Variants in RHD observed in about 807,000 individuals in gnomAD.
RHD encodes the protein blood group Rh(D) polypeptide.
A neutral mutation model predicts 45.5 loss-of-function variants in RHD; 16 were observed. The ratio of observed to expected loss-of-function variants is 0.35; its 90% CI spans 0.24 to 0.53. RHD has a LOEUF of 0.53. RHD is among the 20% of genes least tolerant of loss of function. The pLI is 0.92. For synonymous variants in RHD, 131 were observed against 217.5 expected (o/e 0.60, Z 3.50); for missense variants, 306 against 532.0 (o/e 0.58, Z 4.18).
rs1487408956 is a variant in RHD, at chr1:25,276,188, G to GT, written c.148+3495dup. On this transcript the variant is annotated intron_variant, in intron 1 of 9. Coordinates refer to ENST00000328664, the MANE Select transcript of RHD (RefSeq NM_016124.6). The stretch of plus-strand genomic sequence containing the variant: ...GTTAGGTATGATAAAAGCATGGTGG[G>GT]TTGTTTTTGTTTTTGTTTTTTAAGT... Among the ~76,000 whole-genome samples, 14 of 130,994 alleles carry GT rather than the reference G, an allele frequency of 1.1e-4. 2 individuals are homozygous for GT. The highest frequency in any genetic ancestry group is 8.2e-4 in the Admixed American group (11 of 13,390). 85.9% of individuals were successfully genotyped at this position (130,994 alleles called of 152,430 possible). A position where few individuals can be genotyped will look rare whatever the true frequency, so the allele number is the denominator to read the frequency against.
intron 1 of RHD, 61 bp from the exon 2 acceptor site, chr1:25,284,512 A>G: frequency 7.5e-7 from 1 of 1,326,722 alleles, no homozygotes; most frequent in Non-Finnish European, 1.1e-6. Flanking sequence ...CTCTAATTTC[A>G]TACCACCCTA....
chr1:25,290,195 A>G lies in RHD; in HGVS notation c.336-446A>G, dbSNP rs1416908210. Among the ~76,000 whole-genome samples, 2 of 129,934 alleles carry G rather than the reference A, an allele frequency of 1.5e-5. 1 individual carries two copies. The highest frequency in any genetic ancestry group is 3.6e-5 in the Non-Finnish European group (2 of 55,300). 85.2% of individuals were successfully genotyped at this position (129,934 alleles called of 152,430 possible). On this transcript the variant is annotated intron_variant, in intron 2 of 9. Transcript: ENST00000328664. Reference sequence around the variant, plus strand: ...CGGAGAGAAGGGACAGTGGCCCCAGATGGGGATGGGGTGACTGGATGTGGG... The same window carrying G: ...CGGAGAGAAGGGACAGTGGCCCCAGGTGGGGATGGGGTGACTGGATGTGGG...
Position 25,284,207 on chromosome 1 carries a change from C to G in RHD, c.149-366C>G, listed in dbSNP as rs183822813. ...TGGCCCTCATATGCAATAACAGCAG[C>G]AATGACCTTTACTGAGTGTCCATGT... On this transcript the variant is annotated intron_variant, in intron 1 of 9. Transcript: ENST00000328664. Among the ~76,000 whole-genome samples the G allele has an allele frequency of 7.2e-4, 98 of 136,312 alleles. 13 individuals are homozygous for G. The highest frequency in any genetic ancestry group is 2.1e-3 in the African/African-American group (83 of 39,894). The allele number at this position is 136,312 out of a possible 152,430, so 89.4% of individuals were successfully genotyped here.
chr1:25,286,708 C>A (rs976673079), intron 2 of RHD, among the ~76,000 whole-genome samples: 3 of 133,864 alleles, frequency 2.2e-5, no homozygotes, highest in Non-Finnish European at 5.3e-5. Flanking sequence ...ATGGCGTGAA[C>A]CCGGGAGGCG....
At chr1:25,276,535 A>AAAAAAAAAAAAAAAAAAAC (rs1641005989) in intron 1 of RHD, among the ~76,000 whole-genome samples, 1 of 15,842 alleles carries the variant, frequency 6.3e-5, no homozygotes, top group African/African-American at 6.7e-5. Flanking sequence ...CCATCTCTAA[A>AAAAAAAAAAAAAAAAAAAC]AAAAAAAAAA....
chr1:25,301,035 C>T lies in RHD; in HGVS notation c.576C>T (p.Pro192=), dbSNP rs371325050. The change falls in exon 4 of 10, where the codon CCC becomes CCT. Residue 192 remains proline, a synonymous_variant. Coordinates refer to ENST00000328664, the MANE Select transcript of RHD (RefSeq NM_016124.6). The part of the protein sequence containing the change: ...SVAWCLPKPL[P]EGTEDKDQTA... ...CCTGGTGCCTGCCAAAGCCTCTACC[C>T]GAGGGAACGGAGGATAAAGATCAGA... The T allele has an allele frequency of 9.6e-5, 132 of 1,377,472 alleles. 31 individuals carry two copies. The South Asian group carries it at 1.2e-3, about 13-fold the overall frequency. The allele number at this position is 1,377,472 out of a possible 1,614,324, so 85.3% of individuals were successfully genotyped here. A position where few individuals can be genotyped will look rare whatever the true frequency, so the allele number is the denominator to read the frequency against.
At chr1:25,298,718 G>A (rs1643135742) in intron 3 of RHD, among the ~76,000 whole-genome samples, 1 of 131,456 alleles carries the variant, frequency 7.6e-6, no homozygotes, top group South Asian at 2.3e-4. Context: ...CTATATACCA[G>A]GGACTCTTGT....
At position 25,301,389 on chromosome 1, in the gene RHD, G is replaced by C. The variant is rs1342910256; in HGVS notation, c.635-131G>C. Reference sequence around the variant, plus strand: ...GCTTGAGAGCTCGGAGGGGAGACGTGACTTCCCCATCTAACTCTAAGTGAC... The same window carrying C: ...GCTTGAGAGCTCGGAGGGGAGACGTCACTTCCCCATCTAACTCTAAGTGAC... On this transcript the variant is annotated intron_variant, in intron 4 of 9. Coordinates refer to ENST00000328664, the MANE Select transcript of RHD (RefSeq NM_016124.6). 4 of 903,238 alleles carry C rather than the reference G, an allele frequency of 4.4e-6. 1 individual carries two copies. The African/African-American group carries it at 6.7e-5, about 15-fold the overall frequency. 56.0% of individuals were successfully genotyped at this position (903,238 alleles called of 1,614,324 possible). A position where few individuals can be genotyped will look rare whatever the true frequency, so the allele number is the denominator to read the frequency against.
intron 3 of RHD, among the ~76,000 whole-genome samples, chr1:25,300,103 C>T (rs1643269398): frequency 7.6e-6 from 1 of 131,208 alleles, no homozygotes; most frequent in Admixed American, 7.4e-5. Flanking sequence ...CTTCATGTTG[C>T]AAAATTTATA....
At chr1:25,278,460 C>T (rs140102180) in intron 1 of RHD, among the ~76,000 whole-genome samples, 2,702 of 131,656 alleles carry the variant, frequency 0.021, 655 homozygotes, top group Non-Finnish European at 0.03. Flanking sequence ...TTCTGTGGTG[C>T]AACAACTGGG....
intron 8 of RHD, among the ~76,000 whole-genome samples, chr1:25,320,223 G>A (rs1254298710): frequency 7.6e-6 from 1 of 131,712 alleles, no homozygotes; most frequent in African/African-American, 2.6e-5. Context: ...CTGGACACAA[G>A]AACACAAAAC....
intron 3 of RHD, among the ~76,000 whole-genome samples, chr1:25,296,313 C>G (rs1390757912): frequency 8.1e-6 from 1 of 123,886 alleles, no homozygotes; most frequent in Admixed American, 7.9e-5. Context: ...GTGGTGTGAT[C>G]TCGGCTCACT....
chr1:25,302,654 G>A (rs1297680966), intron 5 of RHD, among the ~76,000 whole-genome samples: 1 of 129,992 alleles, frequency 7.7e-6, no homozygotes, highest in East Asian at 2.0e-4. Flanking sequence ...ACAAGGCCCA[G>A]CTTATTGAAA....
chr1:25,315,741 C>A (rs1187821286), intron 7 of RHD, among the ~76,000 whole-genome samples: 1 of 129,954 alleles, frequency 7.7e-6, no homozygotes, highest in African/African-American at 2.7e-5. Context: ...CATGATCTGC[C>A]CGCCTCGGCC....
At position 25,307,659 on chromosome 1, in the gene RHD, G is replaced by C. The variant is rs1291160024; in HGVS notation, c.1073+930G>C. On this transcript the variant is annotated intron_variant, in intron 7 of 9. Coordinates refer to ENST00000328664, the MANE Select transcript of RHD (RefSeq NM_016124.6). ...TTATCTGCCCAAGGTCACTCGGCTGGAACCTGGCTGTAAAAATGGCTGAAG... is the reference window on the plus strand; with the variant it reads ...TTATCTGCCCAAGGTCACTCGGCTGCAACCTGGCTGTAAAAATGGCTGAAG... 19 of 1,270,946 alleles carry C rather than the reference G, an allele frequency of 1.5e-5. 5 individuals are homozygous for C. The highest frequency in any genetic ancestry group is 2.0e-5 in the Non-Finnish European group (18 of 915,996). 78.7% of individuals were successfully genotyped at this position (1,270,946 alleles called of 1,614,324 possible).
rs1643384618 is a variant in RHD at position 25,301,523 on chromosome 1, C to T, written c.638C>T (p.Ala213Val). ...TIPSLSAMLG[A>V]LFLWMFWPSF... is the part of the protein sequence containing the mutation. Reference sequence around the variant, plus strand: ...AACCACCCTCTCTGGCCCCCAGGCGCCCTCTTCTTGTGGATGTTCTGGCCA... The same window carrying T: ...AACCACCCTCTCTGGCCCCCAGGCGTCCTCTTCTTGTGGATGTTCTGGCCA... Residue 213 changes from alanine to valine, a missense_variant, in exon 5 of 10, where the codon GCC becomes GTC. By Grantham distance (64) the Ala-to-Val change is moderately conservative (BLOSUM62 0). Transcript: ENST00000328664. 1 of 1,378,126 alleles carries T rather than the reference C, an allele frequency of 7.3e-7. No individual in the cohort carries two copies. The highest frequency in any genetic ancestry group is 1.0e-6 in the Non-Finnish European group (1 of 978,666). The allele number at this position is 1,378,126 out of a possible 1,614,324, so 85.4% of individuals were successfully genotyped here.
intron 3 of RHD, among the ~76,000 whole-genome samples, chr1:25,295,853 T>G (rs1571646087): frequency 2.5e-5 from 1 of 40,240 alleles, no homozygotes; most frequent in Non-Finnish European, 7.9e-5. Flanking sequence ...ATGGGAAATT[T>G]TTTTTTTTTT....
chr1:25,287,648 A>G (rs1642151099), intron 2 of RHD, among the ~76,000 whole-genome samples: 1 of 135,606 alleles, frequency 7.4e-6, no homozygotes, highest in Non-Finnish European at 1.8e-5. Flanking sequence ...TTTTCCTCAC[A>G]TACTGATAAC....
intron 8 of RHD, among the ~76,000 whole-genome samples, chr1:25,321,358 A>T (rs1644688234): frequency 7.9e-6 from 1 of 126,340 alleles, no homozygotes. Context: ...TCAAAAAAAA[A>T]AAAAAAATGT....
Sources: allele counts gnomAD v4.1 joint callset (sites outside exome capture counted in the v4.1 genomes callset), GRCh38; gene constraint gnomAD v4.1.1; transcripts MANE v1.5; gene names NCBI Gene and HGNC (gene_info 2026-07-23, HGNC 2026-07-21).